Variants in FLT3 observed in about 807,000 individuals in gnomAD.
FLT3 encodes receptor-type tyrosine-protein kinase FLT3.
In FLT3, 46 loss-of-function variants were observed where a neutral mutation model predicts 126.6. That is an observed-to-expected ratio of 0.36 (90% CI 0.29 to 0.46). The LOEUF is 0.46. FLT3 is among the 20% of genes least tolerant of loss of function. The pLI is 1.00. For synonymous variants in FLT3, 404 were observed against 434.4 expected (o/e 0.93, Z 0.87); for missense variants, 1,069 against 1,190.3 (o/e 0.90, Z 1.50).
At chr13:28,063,860 G>T (rs1876783975) in intron 2 of FLT3, among the ~76,000 whole-genome samples, 1 of 152,182 alleles carries the variant, frequency 6.6e-6, no homozygotes, top group African/African-American at 2.4e-5. Context: ...AATGTAAATT[G>T]TAAGTGCCCT....
At chr13:28,062,179 A>G in intron 2 of FLT3, 110 bp from the exon 3 acceptor site, 1 of 728,310 alleles carries the variant, frequency 1.4e-6, no homozygotes, top group Non-Finnish European at 2.4e-6. Flanking sequence ...ACTGCACGCA[A>G]CACCCACACA....
chr13:28,027,222 A>C lies in FLT3; in HGVS notation c.2073T>G (p.Phe691Leu), dbSNP rs1057519764. The C allele has an allele frequency of 1.2e-6, 2 of 1,610,802 alleles. No individual in the cohort carries two copies. The highest frequency in any genetic ancestry group is 1.7e-6 in the Non-Finnish European group (2 of 1,178,440). The change falls in exon 17 of 24, where the codon TTT (phenylalanine) becomes TTG (leucine). Residue 691 changes from phenylalanine (F) to leucine (L), a missense_variant. Coordinates refer to ENST00000241453, the MANE Select transcript of FLT3 (RefSeq NM_004119.3). ...GAAGATCACCATAGCAACAGTATTC[A>C]AAAATCAAGTAAATTGGTCCTGAAA... ...CTLSGPIYLIFEYCCYGDLLN... is the reference protein window; with the variant it reads ...CTLSGPIYLILEYCCYGDLLN...
intron 15 of FLT3, among the ~76,000 whole-genome samples, chr13:28,028,629 A>C (rs900434839): frequency 6.6e-6 from 1 of 152,142 alleles, no homozygotes; most frequent in Admixed American, 6.5e-5. Flanking sequence ...TGTGGGAGGC[A>C]GAGGTTGCAA....
At chr13:28,074,652 A>AT (rs1475557946) in intron 1 of FLT3, among the ~76,000 whole-genome samples, 1 of 151,228 alleles carries the variant, frequency 6.6e-6, no homozygotes, top group Non-Finnish European at 1.5e-5. Context: ...TTTATTTTTT[A>AT]TTTTTTGAGA....
chr13:28,074,559 CT>C (rs1877794367), intron 1 of FLT3, among the ~76,000 whole-genome samples: 1 of 152,150 alleles, frequency 6.6e-6, no homozygotes, highest in Non-Finnish European at 1.5e-5. Context: ...GTGTCACATC[CT>C]CGCTAACATT....
chr13:28,015,527 G>GGGGGGGGGGGGGGGGC, intron 21 of FLT3, 63 bp downstream of exon 21: 1 of 644,478 alleles, frequency 1.6e-6, no homozygotes, highest in Non-Finnish European at 2.8e-6. Context: ...GGGTGGGGCG[G>GGGGGGGGGGGGGGGGC]CACCGAGAGA....
At chr13:28,088,105 G>T (rs73443058) in intron 1 of FLT3, among the ~76,000 whole-genome samples, 14,391 of 152,024 alleles carry the variant, frequency 0.095, 2,275 homozygotes, top group African/African-American at 0.33. Flanking sequence ...GGATGTTTTT[G>T]TCTTCTGTTA....
intron 22 of FLT3, 56 bp from the exon 23 acceptor site, chr13:28,014,613 G>T: frequency 8.4e-7 from 1 of 1,193,886 alleles, no homozygotes; most frequent in South Asian, 1.3e-5. Flanking sequence ...AAGCAAAATG[G>T]ATCATTTTCC....
At chr13:28,063,612 C>T (rs1203047384) in intron 2 of FLT3, among the ~76,000 whole-genome samples, 1 of 152,148 alleles carries the variant, frequency 6.6e-6, no homozygotes, top group Non-Finnish European at 1.5e-5. Flanking sequence ...CACATGAGCA[C>T]ACACATATTT....
intron 1 of FLT3, among the ~76,000 whole-genome samples, chr13:28,083,087 C>T (rs905038069): frequency 2.6e-5 from 4 of 151,282 alleles, no homozygotes; most frequent in Admixed American, 6.6e-5. Context: ...GCAATCCTTA[C>T]ACCTTGTCCT....
At chr13:28,099,635 G>T (rs945022419) in intron 1 of FLT3, among the ~76,000 whole-genome samples, 1 of 152,074 alleles carries the variant, frequency 6.6e-6, no homozygotes, top group Non-Finnish European at 1.5e-5. Context: ...CGGAGCTGCC[G>T]GGCACCCAGA....
chr13:28,034,257 T>G lies in FLT3; in HGVS notation c.1705-43A>C, dbSNP rs796333316. The G allele has an allele frequency of 6.8e-6, 11 of 1,613,706 alleles. No homozygotes were observed. In the African/African-American group the frequency reaches 1.5e-4, roughly 22 times the overall value. On this transcript the variant is annotated intron_variant, in intron 13 of 23. Transcript: ENST00000241453. ...TGAGTCAGTTAGGAATAGGCAGTTC[T>G]GCAGATAGAGGAAAGAATAATGAAT...
At position 28,052,585 on chromosome 13, in the gene FLT3, G is replaced by C. The variant is rs1320098841; in HGVS notation, c.574C>G (p.Pro192Ala). 1 of 1,613,582 alleles carries C rather than the reference G, an allele frequency of 6.2e-7. No individual in the cohort carries two copies. The highest frequency in any genetic ancestry group is 8.5e-7 in the Non-Finnish European group (1 of 1,179,692). Residue 192 changes from proline (P) to alanine (A), a missense_variant, in exon 5 of 24, where the codon CCG (proline) becomes GCG (alanine). By Grantham distance (27) the Pro-to-Ala change is conservative. Coordinates refer to ENST00000241453, the MANE Select transcript of FLT3 (RefSeq NM_004119.3). ...TCGCAAAGCACCCATTCCACGATCG[G>C]CTCTGGAACGCTCTCAGATATGCAG... ...LVCISESVPEPIVEWVLCDSQ... is the reference protein window; with the variant it reads ...LVCISESVPEAIVEWVLCDSQ...
chr13:28,034,477 C>A, intron 12 of FLT3, 70 bp from the exon 13 acceptor site: 1 of 1,084,378 alleles, frequency 9.2e-7, no homozygotes, highest in Non-Finnish European at 1.4e-6. Context: ...GTGGACAACT[C>A]ATTATAATCT....
chr13:28,035,836 A>C, intron 11 of FLT3, 99 bp downstream of exon 11: 1 of 1,235,576 alleles, frequency 8.1e-7, no homozygotes, highest in South Asian at 1.3e-5. Flanking sequence ...AGCATTTTAA[A>C]TATTTCATCA....
intron 1 of FLT3, among the ~76,000 whole-genome samples, chr13:28,092,127 C>T (rs1219970730): frequency 2.6e-5 from 4 of 151,970 alleles, no homozygotes; most frequent in Non-Finnish European, 1.5e-5. Flanking sequence ...TAATTCATAC[C>T]TTCTGTGTCT....
intron 23 of FLT3, among the ~76,000 whole-genome samples, chr13:28,006,835 C>G (rs1870951172): frequency 6.6e-6 from 1 of 151,714 alleles, no homozygotes; most frequent in Admixed American, 6.6e-5. Context: ...CAACCTCTGC[C>G]TCTCAGGTTC....
intron 1 of FLT3, among the ~76,000 whole-genome samples, chr13:28,082,141 C>T (rs1197750908): frequency 6.6e-6 from 1 of 150,478 alleles, no homozygotes; most frequent in Non-Finnish European, 1.5e-5. Flanking sequence ...TAGGCGTGAG[C>T]CACTGCACCG....
intron 1 of FLT3, among the ~76,000 whole-genome samples, chr13:28,091,219 T>TTTC (rs1478500139): frequency 0.017 from 1,882 of 107,554 alleles, 93 homozygotes; most frequent in African/African-American, 0.077. Flanking sequence ...TTTTTTTTTT[T>TTTC]TTTTTTTTTT....
Sources: gnomAD v4.1 joint callset for allele counts (sites outside exome capture counted in the v4.1 genomes callset) on GRCh38, gnomAD v4.1.1 for gene constraint, MANE v1.5 for transcripts, NCBI Gene and HGNC (gene_info 2026-07-23, HGNC 2026-07-21) for gene names.